Variants in DMD observed in about 807,000 individuals in gnomAD.
The protein encoded by DMD is mutant dystrophin.
Under a neutral mutation model 330.1 loss-of-function variants are expected in DMD, and 63 were observed. That is an observed-to-expected ratio of 0.19 (90% CI 0.16 to 0.24). The LOEUF (loss-of-function observed/expected upper bound fraction) is 0.24. DMD is among the 10% of genes least tolerant of loss of function. The pLI, the probability that DMD is intolerant of heterozygous loss-of-function variation, is 1.00. For missense variants in DMD, 3,344 were observed against 2,684.1 expected (o/e 1.25, Z -5.43); for synonymous variants, 1,223 against 959.8 (o/e 1.27, Z -5.07).
At chrX:32,886,459 A>G (rs1226134264) in intron 2 of DMD, among the ~76,000 whole-genome samples, 1 of 111,073 alleles carries the variant, frequency 9.0e-6, no homozygotes, top group African/African-American at 3.3e-5. Context: ...CGAGGTGGGA[A>G]GATTACAAGG....
At chrX:32,682,509 A>G (rs1213814210) in intron 9 of DMD, among the ~76,000 whole-genome samples, 1 of 111,732 alleles carries the variant, frequency 8.9e-6, no homozygotes, top group African/African-American at 3.2e-5. Context: ...GTATTCAAAT[A>G]TCACATATTT....
chrX:31,592,181 T>C (rs1337485408), intron 55 of DMD, among the ~76,000 whole-genome samples: 2 of 109,282 alleles, frequency 1.8e-5, no homozygotes, highest in Non-Finnish European at 3.8e-5. Context: ...CAACATATAA[T>C]AGACATCCAA....
chrX:32,590,273 T>C (rs999918818), intron 13 of DMD, among the ~76,000 whole-genome samples: 4 of 112,454 alleles, frequency 3.6e-5, no homozygotes, highest in Non-Finnish European at 5.6e-5. Context: ...TGAGAAACCA[T>C]ACCAGTGAGC....
At chrX:31,992,664 C>T (rs2095558563) in intron 44 of DMD, among the ~76,000 whole-genome samples, 1 of 111,191 alleles carries the variant, frequency 9.0e-6, no homozygotes, top group African/African-American at 3.3e-5. Flanking sequence ...TTATTTATTT[C>T]TGTAATTTTG....
intron 53 of DMD, among the ~76,000 whole-genome samples, chrX:31,666,793 T>C (rs1459052897): frequency 5.4e-5 from 6 of 112,049 alleles, no homozygotes; most frequent in Non-Finnish European, 9.4e-5. Context: ...CTATCCATTG[T>C]GTGATGGAGG....
chrX:32,387,908 C>A (rs2097970620), intron 32 of DMD, among the ~76,000 whole-genome samples: 1 of 110,870 alleles, frequency 9.0e-6, no homozygotes, highest in South Asian at 3.8e-4. Context: ...TTGTTTCATT[C>A]AATAGGCAAG....
chrX:31,557,091 A>G (rs761833979), intron 55 of DMD, among the ~76,000 whole-genome samples: 11 of 112,320 alleles, frequency 9.8e-5, no homozygotes, highest in Admixed American at 1.9e-4. Context: ...TACAAATAAA[A>G]AGCTAAAGAG....
intron 44 of DMD, among the ~76,000 whole-genome samples, chrX:32,043,663 A>G (rs375848430): frequency 8.9e-6 from 1 of 111,766 alleles, no homozygotes; most frequent in South Asian, 3.7e-4. Context: ...CCTATGAGAG[A>G]CGATTATTAG....
chrX:31,777,915 T>G (rs1207429043), intron 50 of DMD, among the ~76,000 whole-genome samples: 1 of 112,139 alleles, frequency 8.9e-6, no homozygotes, highest in African/African-American at 3.2e-5. Context: ...CTCTGTACTC[T>G]GAACCAGATT....
chrX:31,172,227 G>T, intron 73 of DMD, 121 bp downstream of exon 73: 1 of 564,701 alleles, frequency 1.8e-6, no homozygotes, highest in Non-Finnish European at 3.0e-6. Flanking sequence ...TAAATGAATG[G>T]CTCCTTAAAA....
chrX:31,248,299 G>C lies in DMD; in HGVS notation c.9286+12656C>G, dbSNP rs1426028491. ...ACTGAAGTGTTCTGGAACTGAACCT[G>C]CAAAATCTCCAAGGTATGTCTGTAT... is the stretch of plus-strand genomic sequence containing the variant. On this transcript the variant is annotated intron_variant, in intron 63 of 78. Transcript: ENST00000357033. 3.6e-5 allele frequency among the ~76,000 whole-genome samples: 4 copies of C among 112,153 alleles called. No homozygotes were observed. The East Asian group carries it at 8.4e-4, about 23-fold the overall frequency.
chrX:32,535,344 T>A (rs186852232), intron 17 of DMD, among the ~76,000 whole-genome samples: 1 of 111,935 alleles, frequency 8.9e-6, no homozygotes, highest in Non-Finnish European at 1.9e-5. Context: ...CCACTTGCCC[T>A]CCTAATTGTT....
At chrX:32,716,023 A>C (rs2147839622) in intron 7 of DMD, among the ~76,000 whole-genome samples, 1 of 111,914 alleles carries the variant, frequency 8.9e-6, no homozygotes, top group South Asian at 3.7e-4. Flanking sequence ...ATTATTTTCA[A>C]ATAATTTATC....
intron 37 of DMD, among the ~76,000 whole-genome samples, chrX:32,358,768 A>C (rs919117671): frequency 1.8e-5 from 2 of 110,691 alleles, no homozygotes; most frequent in Admixed American, 1.9e-4. Flanking sequence ...CAATTCTTTC[A>C]TTTTTTTCCA....
At chrX:32,503,443 C>G (rs570923513) in intron 18 of DMD, among the ~76,000 whole-genome samples, 1 of 112,437 alleles carries the variant, frequency 8.9e-6, no homozygotes, top group East Asian at 2.8e-4. Context: ...ATCTAGACAA[C>G]ACTATTTACT....
intron 44 of DMD, among the ~76,000 whole-genome samples, chrX:32,153,753 T>C (rs1340378912): frequency 9.0e-6 from 1 of 111,343 alleles, no homozygotes; most frequent in Non-Finnish European, 1.9e-5. Flanking sequence ...ATTTATAGCT[T>C]TACGAATGGG....
chrX:32,253,552 T>C (rs1212699982), intron 43 of DMD, among the ~76,000 whole-genome samples: 1 of 110,945 alleles, frequency 9.0e-6, no homozygotes, highest in African/African-American at 3.3e-5. Context: ...TCCTTACTCA[T>C]CAGGGTCTGA....
intron 1 of DMD, among the ~76,000 whole-genome samples, chrX:33,305,033 G>C (rs1200107842): frequency 1.8e-5 from 2 of 109,685 alleles, no homozygotes; most frequent in Non-Finnish European, 3.8e-5. Context: ...TCTAGAACTA[G>C]AAATACCATT....
At chrX:31,190,810 A>G (rs1055518480) in intron 67 of DMD, among the ~76,000 whole-genome samples, 3 of 110,746 alleles carry the variant, frequency 2.7e-5, no homozygotes, top group African/African-American at 9.9e-5. Context: ...ACTTGTCAAA[A>G]CTAAGAAATC....
Sources: gnomAD v4.1 joint callset for allele counts (sites outside exome capture counted in the v4.1 genomes callset) on GRCh38, gnomAD v4.1.1 for gene constraint, MANE v1.5 for transcripts, NCBI Gene and HGNC (gene_info 2026-07-23, HGNC 2026-07-21) for gene names.